MAP1B: variants seen among roughly 807,000 people sequenced by gnomAD.
The protein encoded by MAP1B is microtubule associated protein 1B.
A neutral mutation model predicts 176.1 loss-of-function variants in MAP1B; 12 were observed. The observed-to-expected ratio is 0.07, with a 90% CI of 0.04 to 0.11. The LOEUF is 0.11. Ranked by LOEUF, MAP1B falls within the 10% of genes least tolerant of loss-of-function variation. MAP1B has a pLI of 1.00. For missense variants in MAP1B, 2,523 were observed against 2,990.5 expected (o/e 0.84, Z 3.65); for synonymous variants, 1,044 against 1,135.0 (o/e 0.92, Z 1.61).
At chr5:72,187,897 C>T (rs1030940244) in intron 4 of MAP1B, among the ~76,000 whole-genome samples, 6 of 152,204 alleles carry the variant, frequency 3.9e-5, no homozygotes, top group Non-Finnish European at 8.8e-5. Context: ...GAAGCCACAG[C>T]TGTCAGAAGG....
intron 2 of MAP1B, among the ~76,000 whole-genome samples, chr5:72,124,426 T>C (rs981780477): frequency 2.0e-5 from 3 of 152,202 alleles, no homozygotes; most frequent in Non-Finnish European, 2.9e-5. Context: ...TTGATGCTTA[T>C]AGAAAATGCA....
intron 1 of MAP1B, among the ~76,000 whole-genome samples, chr5:72,112,718 C>T (rs1295999837): frequency 6.6e-6 from 1 of 152,188 alleles, no homozygotes; most frequent in Non-Finnish European, 1.5e-5. Context: ...CTTTTGGCTC[C>T]AGACATTGAA....
chr5:72,143,852 AATTT>A, intron 2 of MAP1B, among the ~76,000 whole-genome samples: 1 of 152,092 alleles, frequency 6.6e-6, no homozygotes, highest in Middle Eastern at 3.4e-3. Context: ...ATGCCCAGCT[AATTT>A]ATTTATTTTT....
At chr5:72,167,841 C>G (rs1746459438) in intron 2 of MAP1B, among the ~76,000 whole-genome samples, 1 of 152,002 alleles carries the variant, frequency 6.6e-6, no homozygotes, top group African/African-American at 2.4e-5. Flanking sequence ...GAAACAGGAA[C>G]TTTTATAATG....
chr5:72,166,588 T>G (rs1462191523), intron 2 of MAP1B, among the ~76,000 whole-genome samples: 4 of 152,168 alleles, frequency 2.6e-5, no homozygotes, highest in Non-Finnish European at 4.4e-5. Flanking sequence ...GATAACTCCC[T>G]TTAGCCCTTT....
chr5:72,179,579 G>A lies in MAP1B; in HGVS notation c.287-4164G>A, dbSNP rs375128653. The A allele has an allele frequency of 2.3e-4, 228 of 981,450 alleles. 3 individuals carry two copies. The African/African-American group carries it at 3.6e-3, about 15-fold the overall frequency. 60.8% of individuals were successfully genotyped at this position (981,450 alleles called of 1,614,324 possible). ...TGCCGCAGGAAAGCTGGCACCCACG[G>A]GTATGCCAGGGGTGGGGGCGCGTCA... On this transcript the variant is annotated intron_variant, in intron 2 of 6. Transcript: ENST00000296755.
At chr5:72,135,774 C>A (rs1177288524) in intron 2 of MAP1B, among the ~76,000 whole-genome samples, 1 of 151,978 alleles carries the variant, frequency 6.6e-6, no homozygotes, top group Admixed American at 6.5e-5. Context: ...TCCAGATTTC[C>A]CTGGGACCTT....
intron 2 of MAP1B, among the ~76,000 whole-genome samples, chr5:72,180,801 C>T (rs1746747774): frequency 6.6e-6 from 1 of 152,136 alleles, no homozygotes; most frequent in South Asian, 2.1e-4. Context: ...ATATTTTCTG[C>T]CTTCCTGCTT....
intron 2 of MAP1B, among the ~76,000 whole-genome samples, chr5:72,171,062 C>T (rs13156443): frequency 6.6e-6 from 1 of 152,196 alleles, no homozygotes; most frequent in Admixed American, 6.5e-5. Flanking sequence ...CCTTCTCTTG[C>T]TGCTGCGTGT....
chr5:72,128,856 T>A (rs955629218), intron 2 of MAP1B, among the ~76,000 whole-genome samples: 2 of 152,188 alleles, frequency 1.3e-5, no homozygotes, highest in Non-Finnish European at 2.9e-5. Context: ...CCTTGCTAAG[T>A]TGCCCAGGCT....
intron 2 of MAP1B, among the ~76,000 whole-genome samples, chr5:72,172,564 A>G (rs1229746984): frequency 6.6e-6 from 1 of 152,234 alleles, no homozygotes; most frequent in Admixed American, 6.5e-5. Flanking sequence ...TGAAAGGTCA[A>G]CCATTTCCCT....
intron 2 of MAP1B, among the ~76,000 whole-genome samples, chr5:72,172,532 G>A (rs1746567050): frequency 6.6e-6 from 1 of 152,122 alleles, no homozygotes; most frequent in African/African-American, 2.4e-5. Context: ...TGATGATTTG[G>A]TTTGATAATA....
At position 72,167,944 on chromosome 5, in the gene MAP1B, A is replaced by T. The variant is rs143926349; in HGVS notation, c.287-15799A>T. On this transcript the variant is annotated intron_variant, in intron 2 of 6. Transcript: ENST00000296755. ...CATCATCTTCTGTCATTTAAGAATT[A>T]TGAGAATAAAGAGAACTGGAGTCGG... is the stretch of plus-strand genomic sequence containing the variant. Among the ~76,000 whole-genome samples, 307 of 152,368 alleles carry T rather than the reference A, an allele frequency of 2.0e-3. 1 individual carries two copies. Among genetic ancestry groups the T allele is most frequent in the African/African-American group, 7.2e-3 (298 of 41,584 alleles).
In MAP1B at chr5:72,199,988, G is replaced by C. The variant is rs201776246; in HGVS notation, c.6633G>C (p.Ser2211=). Reference sequence around the variant, plus strand: ...CTCCCGTGCAAGACCGCAGCCCTTCGCCACGCCACCCTGATGTGTCCATGG... The same window carrying C: ...CTCCCGTGCAAGACCGCAGCCCTTCCCCACGCCACCCTGATGTGTCCATGG... ...PPAPVQDRSP[S]PRHPDVSMVD... is the part of the protein sequence containing the mutation. Residue 2211 remains serine (S), a synonymous_variant, in exon 5 of 7, where the codon TCG becomes TCC. Coordinates refer to ENST00000296755, the MANE Select transcript of MAP1B (RefSeq NM_005909.5). The surrounding 1 kb of genome is among the most constrained non-coding windows in gnomAD (Gnocchi z 4.2). 26 of 1,614,040 alleles carry C rather than the reference G, an allele frequency of 1.6e-5. No individual in the cohort carries two copies. The highest frequency in any genetic ancestry group is 1.6e-4 in the Middle Eastern group (1 of 6,084).
intron 5 of MAP1B, among the ~76,000 whole-genome samples, chr5:72,201,867 A>T (rs1580031602): frequency 6.6e-6 from 1 of 152,186 alleles, no homozygotes; most frequent in Non-Finnish European, 1.5e-5. Context: ...GAATTTTTTC[A>T]TGTTTAAAAT....
chr5:72,165,530 A>G (rs1746411278), intron 2 of MAP1B, among the ~76,000 whole-genome samples: 1 of 152,150 alleles, frequency 6.6e-6, no homozygotes, highest in Non-Finnish European at 1.5e-5. Flanking sequence ...AGGAGGAAGA[A>G]CCAAGAACAA....
In MAP1B at chr5:72,181,755, A is replaced by G. The variant is rs188794147; in HGVS notation, c.287-1988A>G. 5.6e-3 allele frequency among the ~76,000 whole-genome samples: 792 copies of G among 140,878 alleles called. 12 individuals are homozygous for G. Among genetic ancestry groups the G allele is most frequent in the African/African-American group, 0.02 (760 of 37,114 alleles). 92.4% of individuals were successfully genotyped at this position (140,878 alleles called of 152,430 possible). On this transcript the variant is annotated intron_variant, in intron 2 of 6. Transcript: ENST00000296755. Reference sequence around the variant, plus strand: ...TTTTTTTTTTGAGACGGAGTCTCGCACTGTTGTCGGGGCTGGAGTGCAATA... The same window carrying G: ...TTTTTTTTTTGAGACGGAGTCTCGCGCTGTTGTCGGGGCTGGAGTGCAATA...
chr5:72,192,827 C>T (rs1747051601), intron 4 of MAP1B, among the ~76,000 whole-genome samples: 1 of 152,206 alleles, frequency 6.6e-6, no homozygotes, highest in Non-Finnish European at 1.5e-5. Flanking sequence ...AGGCTAAGAC[C>T]ATGAAATATA....
At chr5:72,136,272 C>T (rs1381211045) in intron 2 of MAP1B, among the ~76,000 whole-genome samples, 2 of 152,158 alleles carry the variant, frequency 1.3e-5, no homozygotes, top group Admixed American at 6.5e-5. Flanking sequence ...ATCTGACATA[C>T]AGGACAGCTC....
Sources: gnomAD v4.1 joint callset for allele counts (sites outside exome capture counted in the v4.1 genomes callset) on GRCh38, gnomAD v4.1.1 for gene constraint, Gnocchi (gnomAD v3.1) non-coding constraint, MANE v1.5 for transcripts, NCBI Gene and HGNC (gene_info 2026-07-23, HGNC 2026-07-21) for gene names.